SORCS1: variants seen among roughly 807,000 people sequenced by gnomAD.
The protein encoded by SORCS1 is VPS10 domain-containing receptor SorCS1.
SORCS1 carries 60 observed loss-of-function variants against 146.1 expected under a neutral mutation model. The ratio of observed to expected loss-of-function variants is 0.41; its 90% CI spans 0.33 to 0.51. The LOEUF is 0.51. Among genes scored for constraint, SORCS1 ranks in the 20% least tolerant of loss-of-function variants. The pLI, the probability that SORCS1 is intolerant of heterozygous loss-of-function variation, is 0.21. For synonymous variants in SORCS1, 637 were observed against 584.0 expected (o/e 1.09, Z -1.31); for missense variants, 1,352 against 1,487.6 (o/e 0.91, Z 1.50).
intron 2 of SORCS1, among the ~76,000 whole-genome samples, chr10:106,855,890 T>C (rs768777128): frequency 2.6e-5 from 4 of 152,174 alleles, no homozygotes; most frequent in Non-Finnish European, 5.9e-5. Context: ...GTGATGCTTG[T>C]TTAATCTTTA....
chr10:107,051,479 A>G (rs770545264), intron 1 of SORCS1, among the ~76,000 whole-genome samples: 8 of 152,186 alleles, frequency 5.3e-5, no homozygotes, highest in Non-Finnish European at 8.8e-5. Context: ...CTAGTTGTCA[A>G]CGCCAATGGG....
At chr10:106,578,871 G>A (rs1050074630) in intron 25 of SORCS1, 1 of 1,391,900 alleles carries the variant, frequency 7.2e-7, no homozygotes, top group Non-Finnish European at 9.3e-7. Context: ...TGCAAAAGGA[G>A]GAATAAACTA....
In SORCS1 at chr10:106,914,526, G is replaced by A. The variant is rs553245163; in HGVS notation, c.626+41987C>T. 3.3e-5 allele frequency among the ~76,000 whole-genome samples: 5 copies of A among 152,284 alleles called. No individual in the cohort carries two copies. The South Asian group carries it at 1.0e-3, about 32-fold the overall frequency. Reference sequence around the variant, plus strand: ...CATGCAAAATACTGGACAGAACCAAGTAAGACTGTGAAATAAACTGAGATC... The same window carrying A: ...CATGCAAAATACTGGACAGAACCAAATAAGACTGTGAAATAAACTGAGATC... On this transcript the variant is annotated intron_variant, in intron 2 of 25. Coordinates refer to ENST00000263054, the MANE Select transcript of SORCS1 (RefSeq NM_052918.5).
In SORCS1 at chr10:107,136,584, A is replaced by G. The variant is rs145691211; in HGVS notation, c.558+27385T>C. On this transcript the variant is annotated intron_variant, in intron 1 of 25. Transcript: ENST00000263054. ...AACTGGTAAGTGAGAGGCCGAATTA[A>G]CAATAATATCCAACACTTGCAAAGT... Among the ~76,000 whole-genome samples the G allele has an allele frequency of 8.1e-4, 124 of 152,332 alleles. 1 individual carries two copies. In the South Asian group the frequency reaches 9.3e-3, roughly 11 times the overall value.
chr10:106,952,815 AAAT>A (rs1489422065), intron 2 of SORCS1, among the ~76,000 whole-genome samples: 1 of 151,106 alleles, frequency 6.6e-6, no homozygotes. Context: ...GTCTCTATCA[AAAT>A]AATAATAATA....
At chr10:107,075,790 T>A (rs1356244689) in intron 1 of SORCS1, among the ~76,000 whole-genome samples, 1 of 152,106 alleles carries the variant, frequency 6.6e-6, no homozygotes, top group Admixed American at 6.6e-5. Context: ...ACAAATTACA[T>A]GGTGGGTGTG....
intron 18 of SORCS1, among the ~76,000 whole-genome samples, chr10:106,651,466 CTG>C (rs923017822): frequency 6.6e-6 from 1 of 152,166 alleles, no homozygotes; most frequent in African/African-American, 2.4e-5. Flanking sequence ...GCCAAGAAAA[CTG>C]TGTTTCCAAA....
At chr10:106,634,852 A>C (rs1848639573) in intron 18 of SORCS1, among the ~76,000 whole-genome samples, 1 of 152,232 alleles carries the variant, frequency 6.6e-6, no homozygotes, top group Non-Finnish European at 1.5e-5. Context: ...CTTCAATCTA[A>C]TAACTCAAAA....
chr10:106,990,860 A>G (rs1337029368), intron 1 of SORCS1, among the ~76,000 whole-genome samples: 1 of 152,230 alleles, frequency 6.6e-6, no homozygotes, highest in Non-Finnish European at 1.5e-5. Context: ...GTAACTTAAG[A>G]AAATGTATAA....
At chr10:106,763,214 G>A (rs1859283616) in intron 4 of SORCS1, among the ~76,000 whole-genome samples, 1 of 152,084 alleles carries the variant, frequency 6.6e-6, no homozygotes, top group Non-Finnish European at 1.5e-5. Flanking sequence ...AACTCTGTGT[G>A]CTCCTATGGC....
intron 2 of SORCS1, among the ~76,000 whole-genome samples, chr10:106,939,108 A>C (rs1953900322): frequency 6.6e-6 from 1 of 152,218 alleles, no homozygotes. Context: ...TTTAAGAAAA[A>C]TAATCTAGGA....
intron 5 of SORCS1, among the ~76,000 whole-genome samples, chr10:106,758,841 C>T (rs1277786292): frequency 6.6e-6 from 1 of 152,154 alleles, no homozygotes; most frequent in Non-Finnish European, 1.5e-5. Context: ...AGAAGCAAGG[C>T]TCACAGCATC....
chr10:106,922,079 G>C (rs1001530783), intron 2 of SORCS1, among the ~76,000 whole-genome samples: 1 of 152,148 alleles, frequency 6.6e-6, no homozygotes, highest in African/African-American at 2.4e-5. Context: ...CTTGTAAATG[G>C]ACAGTCTTAT....
intron 1 of SORCS1, among the ~76,000 whole-genome samples, chr10:107,115,692 T>C (rs1238253428): frequency 6.6e-6 from 1 of 152,074 alleles, no homozygotes; most frequent in Admixed American, 6.6e-5. Context: ...GCTTTGGCAA[T>C]GATTTTTTGG....
In SORCS1 at chr10:106,856,281, C is replaced by T. The variant is rs565898227; in HGVS notation, c.627-26608G>A. The stretch of plus-strand genomic sequence containing the variant: ...ACCTCAGGTGATCCACCCACCTCGG[C>T]CTCCCAAAATGCTGGGATTACTACA... On this transcript the variant is annotated intron_variant, in intron 2 of 25. Transcript: ENST00000263054. 1.1e-4 allele frequency among the ~76,000 whole-genome samples: 17 copies of T among 152,320 alleles called. No homozygotes were observed. In the South Asian group the frequency reaches 3.3e-3, roughly 30 times the overall value.
intron 2 of SORCS1, among the ~76,000 whole-genome samples, chr10:106,939,275 G>A (rs529803677): frequency 2.0e-4 from 30 of 152,252 alleles, no homozygotes; most frequent in African/African-American, 7.2e-4. Flanking sequence ...TATTTCAAAG[G>A]GTATACGTTT....
At chr10:107,114,110 T>C (rs1485213146) in intron 1 of SORCS1, among the ~76,000 whole-genome samples, 1 of 152,114 alleles carries the variant, frequency 6.6e-6, no homozygotes, top group Admixed American at 6.6e-5. Context: ...ACTAGGTAAT[T>C]TGAATAGACA....
intron 1 of SORCS1, among the ~76,000 whole-genome samples, chr10:106,983,188 CTATATATACATATTTCTA>C (rs1956310186): frequency 6.8e-6 from 1 of 146,516 alleles, no homozygotes; most frequent in East Asian, 2.0e-4. Flanking sequence ...ACATATTTCT[CTATATATACATATTTCTA>C]TATATAAATA....
At chr10:107,002,664 G>A (rs1041469060) in intron 1 of SORCS1, among the ~76,000 whole-genome samples, 4 of 152,016 alleles carry the variant, frequency 2.6e-5, no homozygotes, top group African/African-American at 9.7e-5. Context: ...TAAGATAATT[G>A]TGCCTAGAAA....
Sources: gnomAD v4.1 joint callset for allele counts (sites outside exome capture counted in the v4.1 genomes callset) on GRCh38, gnomAD v4.1.1 for gene constraint, MANE v1.5 for transcripts, NCBI Gene and HGNC (gene_info 2026-07-23, HGNC 2026-07-21) for gene names.